Variants in QSOX2 observed in about 807,000 individuals in gnomAD.
QSOX2 encodes quiescin sulfhydryl oxidase 2.
In QSOX2, 46 loss-of-function variants were observed where a neutral mutation model predicts 61.7. The ratio of observed to expected loss-of-function variants is 0.75; its 90% CI spans 0.59 to 0.95. The LOEUF (loss-of-function observed/expected upper bound fraction) is 0.95, where lower values mean the gene tolerates loss of function less well. QSOX2 is among the 40% of genes least tolerant of loss of function. The pLI is 0.00. For synonymous variants in QSOX2, 383 were observed against 388.4 expected (o/e 0.99, Z 0.16); for missense variants, 879 against 918.9 (o/e 0.96, Z 0.56).
At chr9:136,225,011 A>G in intron 2 of QSOX2, 102 bp from the exon 3 acceptor site, 1 of 719,214 alleles carries the variant, frequency 1.4e-6, no homozygotes, top group Non-Finnish European at 2.2e-6. Flanking sequence ...GCTTTACTCA[A>G]TTTCCTTCGG....
At chr9:136,239,603 C>CCTTTGGGCTTTCCTTG in intron 1 of QSOX2, among the ~76,000 whole-genome samples, 1 of 152,384 alleles carries the variant, frequency 6.6e-6, no homozygotes, top group East Asian at 1.9e-4. Flanking sequence ...CCTGCACACA[C>CCTTTGGGCTTTCCTTG]TGCAGGGCGA....
rs1831952051 is a variant in QSOX2 at position 136,219,181 on chromosome 9, G to A, written c.822-17C>T. ...GGCTTCACGCTGTGAGAGAGGGGAGGGCAAAGGTGAGAAGAGCCTCCTTTA... is the reference window on the plus strand; with the variant it reads ...GGCTTCACGCTGTGAGAGAGGGGAGAGCAAAGGTGAGAAGAGCCTCCTTTA... On this transcript the variant is annotated splice_polypyrimidine_tract_variant and intron_variant, in intron 6 of 11. Coordinates refer to ENST00000358701, the MANE Select transcript of QSOX2 (RefSeq NM_181701.4). 1.9e-6 allele frequency: 3 copies of A among 1,609,484 alleles called. No homozygotes were observed. The highest frequency in any genetic ancestry group is 3.4e-5 in the Admixed American group (2 of 59,560).
At chr9:136,216,914 C>T (rs971620662) in intron 8 of QSOX2, among the ~76,000 whole-genome samples, 192 bp from the exon 9 acceptor site, 1 of 152,254 alleles carries the variant, frequency 6.6e-6, no homozygotes, top group East Asian at 1.9e-4. Flanking sequence ...GGCATCTAGC[C>T]TGCGCCTCTC....
intron 2 of QSOX2, among the ~76,000 whole-genome samples, chr9:136,226,471 T>C (rs1038361466): frequency 1.3e-5 from 2 of 152,164 alleles, no homozygotes; most frequent in Admixed American, 6.5e-5. Flanking sequence ...CTGGTCTCCT[T>C]GCGCCCCCTG....
intron 9 of QSOX2, 135 bp downstream of exon 9, chr9:136,216,465 G>T: frequency 8.2e-7 from 1 of 1,216,678 alleles, no homozygotes; most frequent in East Asian, 2.4e-5. Flanking sequence ...TGCTGTCGTG[G>T]AGACAGTAAG....
intron 1 of QSOX2, among the ~76,000 whole-genome samples, chr9:136,237,279 G>A (rs1290906969): frequency 2.1e-5 from 3 of 143,596 alleles, no homozygotes; most frequent in Admixed American, 2.0e-4. Context: ...CCTGGAGCCC[G>A]TCCTGGGCCT....
intron 1 of QSOX2, among the ~76,000 whole-genome samples, chr9:136,230,379 GTAA>G (rs1830319360): frequency 6.6e-6 from 1 of 152,232 alleles, no homozygotes; most frequent in Non-Finnish European, 1.5e-5. Context: ...CAGCCCTGCA[GTAA>G]ACAACTCTGT....
intron 1 of QSOX2, among the ~76,000 whole-genome samples, chr9:136,227,883 G>A (rs980427489): frequency 1.3e-5 from 2 of 152,178 alleles, no homozygotes; most frequent in African/African-American, 2.4e-5. Flanking sequence ...AGAGGCTGAG[G>A]TGGGAGGACC....
chr9:136,217,870 C>T (rs1364637141), intron 8 of QSOX2, among the ~76,000 whole-genome samples: 2 of 152,258 alleles, frequency 1.3e-5, no homozygotes, highest in East Asian at 3.8e-4. Context: ...GGGGAAAAAG[C>T]TGCCTGGGCA....
chr9:136,217,906 C>T (rs1831933155), intron 8 of QSOX2, among the ~76,000 whole-genome samples: 1 of 152,370 alleles, frequency 6.6e-6, no homozygotes, highest in South Asian at 2.1e-4. Flanking sequence ...TCTGAGGCAC[C>T]TCCAGTCCTT....
intron 6 of QSOX2, among the ~76,000 whole-genome samples, chr9:136,219,776 A>G (rs553260645): frequency 6.6e-6 from 1 of 152,374 alleles, no homozygotes; most frequent in African/African-American, 2.4e-5. Context: ...TAGCAGTGCT[A>G]TTTGCAAAAA....
chr9:136,214,580 G>C (rs1391417272), intron 10 of QSOX2, among the ~76,000 whole-genome samples: 1 of 152,200 alleles, frequency 6.6e-6, no homozygotes, highest in East Asian at 1.9e-4. Context: ...GGCAGGCCCT[G>C]CTCTCTGCCC....
intron 11 of QSOX2, chr9:136,210,204 A>G: frequency 1.0e-6 from 1 of 985,470 alleles, no homozygotes; most frequent in Non-Finnish European, 1.2e-6. Context: ...ACTGTCAAAT[A>G]AGGCGCCAGC....
intron 1 of QSOX2, among the ~76,000 whole-genome samples, chr9:136,228,196 T>C (rs944308180): frequency 6.6e-6 from 1 of 152,122 alleles, no homozygotes; most frequent in African/African-American, 2.4e-5. Context: ...GACGCCTCTC[T>C]CCTTAGTGAT....
At chr9:136,226,921 C>A (rs376601960) in intron 1 of QSOX2, 47 bp from the exon 2 acceptor site, 13 of 1,558,244 alleles carry the variant, frequency 8.3e-6, no homozygotes, top group Non-Finnish European at 1.2e-5. Flanking sequence ...ACTGGACTCC[C>A]GGGAAGCCCA....
intron 10 of QSOX2, among the ~76,000 whole-genome samples, chr9:136,212,085 G>A (rs879480914): frequency 6.6e-6 from 1 of 152,216 alleles, no homozygotes; most frequent in Admixed American, 6.5e-5. Flanking sequence ...TTGTGCCACC[G>A]AACGTATTAA....
At chr9:136,226,410 G>A (rs1476401737) in intron 2 of QSOX2, among the ~76,000 whole-genome samples, 1 of 152,178 alleles carries the variant, frequency 6.6e-6, no homozygotes, top group Non-Finnish European at 1.5e-5. Context: ...GAGCCCCATG[G>A]TACACGGACC....
intron 2 of QSOX2, among the ~76,000 whole-genome samples, chr9:136,225,156 C>CA (rs1564293687): frequency 6.6e-6 from 1 of 152,166 alleles, no homozygotes; most frequent in Non-Finnish European, 1.5e-5. Flanking sequence ...TCTGACCCAA[C>CA]AGGGCTAGAA....
rs1269039038 is a variant in QSOX2 at position 136,209,189 on chromosome 9, G to C, written c.1636C>G (p.Leu546Val). The part of the protein sequence containing the change: ...CPACHEEIKG[L>V]ASWDEGHVLT... ...ACGTGGCCTTCATCCCAGCTGGCCA[G>C]GCCCTTAATTTCCTCATGGCAGGCT... The change falls in exon 12 of 12, where the codon CTG (leucine) becomes GTG (valine). Residue 546 changes from leucine (L) to valine (V), a missense_variant. Leu to Val is a conservative substitution (Grantham distance 32). Transcript: ENST00000358701. This position sits in a 1 kb window ranked among gnomAD's most constrained non-coding sequence, Gnocchi z 5.6. 1.2e-6 allele frequency: 2 copies of C among 1,614,202 alleles called. No individual in the cohort carries two copies. The highest frequency in any genetic ancestry group is 1.7e-6 in the Non-Finnish European group (2 of 1,180,040).
Sources: gnomAD v4.1 joint callset for allele counts (sites outside exome capture counted in the v4.1 genomes callset) on GRCh38, gnomAD v4.1.1 for gene constraint, Gnocchi (gnomAD v3.1) non-coding constraint, MANE v1.5 for transcripts, NCBI Gene and HGNC (gene_info 2026-07-23, HGNC 2026-07-21) for gene names.